CDAN1: variants seen among roughly 807,000 people sequenced by gnomAD.
CDAN1 encodes the protein codanin-1.
CDAN1 carries 107 observed loss-of-function variants against 139.8 expected under a neutral mutation model. The ratio of observed to expected loss-of-function variants is 0.77; its 90% CI spans 0.65 to 0.90. The LOEUF (loss-of-function observed/expected upper bound fraction) is 0.90, where lower values mean the gene tolerates loss of function less well. Among genes scored for constraint, CDAN1 ranks in the 40% least tolerant of loss-of-function variants. The pLI is 0.00. For missense variants in CDAN1, 1,667 were observed against 1,575.7 expected (o/e 1.06, Z -0.98); for synonymous variants, 776 against 660.6 (o/e 1.17, Z -2.68).
chr15:42,728,337 G>C (rs2061560572), intron 20 of CDAN1, 70 bp from the exon 21 acceptor site: 19 of 1,524,224 alleles, frequency 1.2e-5, no homozygotes, highest in Non-Finnish European at 1.7e-5. Context: ...AATGCCCCGA[G>C]TGCACCAAGC....
chr15:42,732,888 G>GAC (rs1461600077), intron 9 of CDAN1, among the ~76,000 whole-genome samples: 2 of 152,206 alleles, frequency 1.3e-5, no homozygotes, highest in Non-Finnish European at 2.9e-5. Context: ...ACAAGGATAA[G>GAC]ACACCTGTGA....
intron 25 of CDAN1, 118 bp downstream of exon 25, chr15:42,725,975 CAAAA>C (rs886492399): frequency 4.6e-3 from 1,614 of 351,052 alleles, no homozygotes; most frequent in African/African-American, 8.6e-3. Context: ...GATTCCGTCT[CAAAA>C]AAAAAAAAAA....
rs754361238 is a variant in CDAN1, at chr15:42,734,307, C to G, written c.1176G>C (p.Leu392=). 3 of 1,614,038 alleles carry G rather than the reference C, an allele frequency of 1.9e-6. No individual in the cohort carries two copies. Among genetic ancestry groups the G allele is most frequent in the Admixed American group, 1.7e-5 (1 of 60,012 alleles). Residue 392 remains leucine (L), a synonymous_variant, in exon 7 of 28, where the codon CTG becomes CTC. Transcript: ENST00000356231. Reference sequence around the variant, plus strand: ...AGCACAGCAGCCGCTCATTCTCAGCCAGCAGCTTCAAGGTCCCTTTGTCCA... The same window carrying G: ...AGCACAGCAGCCGCTCATTCTCAGCGAGCAGCTTCAAGGTCCCTTTGTCCA... ...SNLDKGTLKL[L]AENERLLCFS... is the part of the protein sequence containing the mutation.
chr15:42,728,125 C>T, intron 21 of CDAN1, 79 bp downstream of exon 21: 13 of 1,586,802 alleles, frequency 8.2e-6, no homozygotes, highest in Non-Finnish European at 1.1e-5. Context: ...CCCCACACAC[C>T]CTCCCGCAGC....
chr15:42,728,380 G>T, intron 20 of CDAN1, 113 bp from the exon 21 acceptor site: 3 of 1,251,162 alleles, frequency 2.4e-6, no homozygotes, highest in Non-Finnish European at 3.5e-6. Context: ...TTGGAAGGAG[G>T]CACCGTTTGC....
At position 42,727,799 on chromosome 15, in the gene CDAN1, A is replaced by G. The variant is rs200419966; in HGVS notation, c.2948-30T>C. The G allele has an allele frequency of 1.7e-5, 27 of 1,609,052 alleles. No individual in the cohort carries two copies. In the Admixed American group the frequency reaches 3.2e-4, roughly 19 times the overall value. ...GGGGCAGAGGGAGAATGGGAAAGGA[A>G]TCACGGGAGGGCCCTGCACAGGTTC... is the stretch of plus-strand genomic sequence containing the variant. On this transcript the variant is annotated intron_variant, in intron 22 of 27. Coordinates refer to ENST00000356231, the MANE Select transcript of CDAN1 (RefSeq NM_138477.4).
rs151004903 is a variant in CDAN1 at position 42,735,650 on chromosome 15, G to C, written c.803C>G (p.Pro268Arg). The change falls in exon 4 of 28, where the codon CCC (proline) becomes CGC (arginine). Residue 268 changes from proline (P) to arginine (R), a missense_variant. Pro to Arg is a moderately radical substitution (Grantham distance 103, BLOSUM62 -2). Transcript: ENST00000356231. ...RSKQLQQSPT[P>R]TCPTPELGSP... ...CCCCAATTCTGGGGTGGGACAGGTG[G>C]GGGTAGGTGACTGCTGCAGCTGCTT... 2.3e-5 allele frequency: 37 copies of C among 1,613,980 alleles called. No homozygotes were observed. Among genetic ancestry groups the C allele is most frequent in the African/African-American group, 1.7e-4 (13 of 74,898 alleles).
chr15:42,726,823 C>T (rs547654319), intron 23 of CDAN1: 22 of 223,062 alleles, frequency 9.9e-5, no homozygotes, highest in Middle Eastern at 3.5e-3. Flanking sequence ...GCTGAGCTTT[C>T]AATACAGAAA....
chr15:42,726,450 C>G, intron 23 of CDAN1, 33 bp from the exon 24 acceptor site: 1 of 1,517,110 alleles, frequency 6.6e-7, no homozygotes, highest in Non-Finnish European at 9.0e-7. Context: ...TCACCTTGCG[C>G]TGGGGGCCAG....
rs1380806994 is a variant in CDAN1 at position 42,723,654 on chromosome 15, G to A, written c.*837C>T. ...TCTCAAGAGGTTACTACCTGCACAG[G>A]GGCTGAAGGTACAGGGGGAAAGTCA... On this transcript the variant is annotated 3_prime_UTR_variant, in exon 28 of 28. Coordinates refer to ENST00000356231, the MANE Select transcript of CDAN1 (RefSeq NM_138477.4). The A allele has an allele frequency of 6.6e-6, 1 of 152,294 alleles. No individual in the cohort carries two copies. The highest frequency in any genetic ancestry group is 1.5e-5 in the Non-Finnish European group (1 of 68,110). The allele number at this position is 152,294 out of a possible 1,614,324, so 9.4% of individuals were successfully genotyped here.
At chr15:42,729,655 C>T in intron 16 of CDAN1, 33 bp from the exon 17 acceptor site, 1 of 1,612,518 alleles carries the variant, frequency 6.2e-7, no homozygotes, top group Middle Eastern at 1.7e-4. Context: ...AGCAGACTGC[C>T]CCTCCCCCAG....
chr15:42,728,107 G>C, intron 21 of CDAN1, 74 bp from the exon 22 acceptor site: 1 of 1,582,698 alleles, frequency 6.3e-7, no homozygotes, highest in Non-Finnish European at 8.7e-7. Context: ...GTCGAGCACT[G>C]ACCCCGCCCC....
At position 42,728,687 on chromosome 15, in the gene CDAN1, G is replaced by A. The variant is rs762229479; in HGVS notation, c.2769C>T (p.Cys923=). The change falls in exon 20 of 28, where the codon TGC becomes TGT. Residue 923 remains cysteine, a synonymous_variant. Coordinates refer to ENST00000356231, the MANE Select transcript of CDAN1 (RefSeq NM_138477.4). The part of the protein sequence containing the change: ...QLLEILCSQL[C]PHGAQALALG... ...GGGCCAATGCCTGGGCCCCGTGAGG[G>A]CACAGCTGGGAACACAAGATCTCCA... 2.4e-5 allele frequency: 38 copies of A among 1,614,058 alleles called. No individual in the cohort carries two copies. Among genetic ancestry groups the A allele is most frequent in the Non-Finnish European group, 3.2e-5 (38 of 1,180,046 alleles).
intron 26 of CDAN1, 91 bp from the exon 27 acceptor site, chr15:42,725,342 G>A (rs2061510474): frequency 2.0e-6 from 3 of 1,475,818 alleles, no homozygotes; most frequent in East Asian, 4.5e-5. Flanking sequence ...GAGCTGCTGG[G>A]AAGAGACTTG....
intron 25 of CDAN1, among the ~76,000 whole-genome samples, 159 bp downstream of exon 25, chr15:42,725,938 T>TGCACTCCA (rs2061520798): frequency 7.9e-6 from 1 of 126,816 alleles, no homozygotes; most frequent in East Asian, 2.5e-4. Context: ...ATCGTGCCAC[T>TGCACTCCA]GCACTCCAGC....
At chr15:42,731,098 G>GT (rs767008631) in intron 12 of CDAN1, 27 bp from the exon 13 acceptor site, 7 of 1,614,196 alleles carry the variant, frequency 4.3e-6, no homozygotes, top group Middle Eastern at 3.3e-4. Flanking sequence ...GAAGTAAAAG[G>GT]TCCAAGCATG....
Position 42,736,866 on chromosome 15 carries a change from G to T in CDAN1, c.91-86C>A, listed in dbSNP as rs1346570771. ...CAGCCGGGGCCGTAGGGCGCGCCTCGGGTGGGCGGCCCGGGCAGCGGCGCC... is the reference window on the plus strand; with the variant it reads ...CAGCCGGGGCCGTAGGGCGCGCCTCTGGTGGGCGGCCCGGGCAGCGGCGCC... On this transcript the variant is annotated intron_variant, in intron 1 of 27. Transcript: ENST00000356231. 1.0e-5 allele frequency: 15 copies of T among 1,448,072 alleles called. No individual in the cohort carries two copies. The South Asian group carries it at 2.0e-4, about 20-fold the overall frequency. The allele number at this position is 1,448,072 out of a possible 1,614,324, so 89.7% of individuals were successfully genotyped here. A position where few individuals can be genotyped will look rare whatever the true frequency, so the allele number is the denominator to read the frequency against.
intron 1 of CDAN1, 91 bp downstream of exon 1, chr15:42,736,918 GCAGC>G (rs945850047): frequency 2.7e-6 from 4 of 1,469,222 alleles, no homozygotes; most frequent in African/African-American, 2.9e-5. Context: ...GGCCCGGCTG[GCAGC>G]CAGGCGCCCT....
chr15:42,737,127 C>T lies in CDAN1; in HGVS notation c.-25G>A. On this transcript the variant is annotated 5_prime_UTR_variant, in exon 1 of 28. Transcript: ENST00000356231. ...TCCCGGTCGGGGCGCTCTGGGGCGA[C>T]TGCGCAGGCGCCGGCGCGCCGCGGG... 4.9e-6 allele frequency: 7 copies of T among 1,431,104 alleles called. No individual in the cohort carries two copies. Among genetic ancestry groups the T allele is most frequent in the Non-Finnish European group, 6.5e-6 (7 of 1,083,950 alleles). The allele number at this position is 1,431,104 out of a possible 1,614,324, so 88.7% of individuals were successfully genotyped here.
Sources: allele counts gnomAD v4.1 joint callset (sites outside exome capture counted in the v4.1 genomes callset), GRCh38; gene constraint gnomAD v4.1.1; transcripts MANE v1.5; gene names NCBI Gene and HGNC (gene_info 2026-07-23, HGNC 2026-07-21).